DMXL2: variants seen among roughly 807,000 people sequenced by gnomAD.
DMXL2 encodes dmX-like protein 2.
DMXL2 carries 103 observed loss-of-function variants against 331.1 expected under a neutral mutation model. The observed-to-expected ratio is 0.31, with a 90% CI of 0.27 to 0.37. The LOEUF is 0.37. DMXL2 is among the 10% of genes least tolerant of loss of function. The pLI is 1.00. For synonymous variants in DMXL2, 1,281 were observed against 1,252.1 expected (o/e 1.02, Z -0.49); for missense variants, 3,171 against 3,642.9 (o/e 0.87, Z 3.33).
intron 22 of DMXL2, among the ~76,000 whole-genome samples, chr15:51,487,324 G>C (rs35215200): frequency 0.012 from 1,757 of 152,234 alleles, 27 homozygotes; most frequent in East Asian, 0.026. Flanking sequence ...AGAATAAGGA[G>C]GTTGTGACCT....
At chr15:51,520,344 A>G (rs1374082004) in intron 13 of DMXL2, among the ~76,000 whole-genome samples, 1 of 152,238 alleles carries the variant, frequency 6.6e-6, no homozygotes, top group Non-Finnish European at 1.5e-5. Flanking sequence ...TTGGACAGAG[A>G]GAGGACAAAT....
chr15:51,479,107 T>C (rs569466630), intron 25 of DMXL2, among the ~76,000 whole-genome samples: 8 of 152,308 alleles, frequency 5.3e-5, no homozygotes, highest in African/African-American at 1.9e-4. Context: ...TTATGCCTTT[T>C]CTGCGTGTCC....
At chr15:51,451,725 A>T (rs759753606) in intron 41 of DMXL2, 28 bp from the exon 42 acceptor site, 1 of 1,577,204 alleles carries the variant, frequency 6.3e-7, no homozygotes, top group Non-Finnish European at 8.7e-7. Context: ...TAACAAAAAT[A>T]CATCATAAAT....
At chr15:51,502,126 G>T (rs571205433) in intron 17 of DMXL2, among the ~76,000 whole-genome samples, 5 of 150,998 alleles carry the variant, frequency 3.3e-5, no homozygotes, top group Admixed American at 2.6e-4. Flanking sequence ...CAACTATTCA[G>T]GAGGCTGAGG....
chr15:51,463,492 G>A lies in DMXL2; in HGVS notation c.7813C>T (p.Arg2605Trp), dbSNP rs146266274. 23 of 1,563,082 alleles carry A rather than the reference G, an allele frequency of 1.5e-5. No homozygotes were observed. The highest frequency in any genetic ancestry group is 4.6e-5 in the East Asian group (2 of 43,558). Residue 2605 changes from arginine (R) to tryptophan (W), a missense_variant, in exon 33 of 44, where the codon CGG (arginine) becomes TGG (tryptophan). Physicochemically the swap from Arg to Trp is moderately radical, Grantham distance 101. Around this residue, in one of 7 missense-constraint regions of DMXL2, gnomAD observed 766 missense variants for 940.5 expected, o/e 0.81. Coordinates refer to ENST00000560891, the MANE Select transcript of DMXL2 (RefSeq NM_001378457.1). ...TTGACTGGAAATGCAGAAGAATCCC[G>A]GGACCTATTAAAAAAAATTAACATA... ...LEPENTPFKS[R>W]DSSAFPVKRL...
At chr15:51,496,438 C>A (rs118090366) in intron 18 of DMXL2, among the ~76,000 whole-genome samples, 1 of 152,170 alleles carries the variant, frequency 6.6e-6, no homozygotes, top group African/African-American at 2.4e-5. Context: ...AGTAAAGGAA[C>A]AAGCCATGCA....
intron 19 of DMXL2, 116 bp from the exon 20 acceptor site, chr15:51,491,863 A>G (rs2042825565): frequency 2.4e-6 from 2 of 843,914 alleles, no homozygotes; most frequent in Middle Eastern, 2.9e-4. Flanking sequence ...GCAGAAAGAA[A>G]GAATGAAAGG....
intron 1 of DMXL2, among the ~76,000 whole-genome samples, chr15:51,598,971 T>C (rs773529462): frequency 6.6e-6 from 1 of 152,262 alleles, no homozygotes; most frequent in East Asian, 1.9e-4. Context: ...AATTTTCTAA[T>C]TCCATCGTTG....
chr15:51,576,806 A>G, intron 1 of DMXL2, among the ~76,000 whole-genome samples: 1 of 152,218 alleles, frequency 6.6e-6, no homozygotes. Context: ...AAAGGAAACC[A>G]ACCCAAAGTT....
At chr15:51,562,320 A>C (rs766112258) in intron 6 of DMXL2, among the ~76,000 whole-genome samples, 3 of 152,152 alleles carry the variant, frequency 2.0e-5, no homozygotes, top group Non-Finnish European at 4.4e-5. Context: ...ATCAAGCATA[A>C]GAAAAAAATC....
Position 51,537,667 on chromosome 15 carries a change from G to A in DMXL2, c.1438C>T (p.Leu480Phe), listed in dbSNP as rs933346723. The change falls in exon 11 of 44, where the codon CTT (leucine) becomes TTT (phenylalanine). Residue 480 changes from leucine to phenylalanine, a missense_variant. Leu to Phe is a conservative substitution (Grantham distance 22, BLOSUM62 0). Around this residue, in one of 7 missense-constraint regions of DMXL2, gnomAD observed 1,674 missense variants for 1,780.2 expected, o/e 0.94. Transcript: ENST00000560891. ...GTAGGCAGTGGCATTGGTACACTAA[G>A]TCGTGAGTAAGTTCTAGGACTTCCT... Reference protein sequence around the residue: ...REGSPRTYSRLSVPMPLPTVL... With the variant: ...REGSPRTYSRFSVPMPLPTVL... 2.5e-6 allele frequency: 4 copies of A among 1,613,746 alleles called. No individual in the cohort carries two copies. The highest frequency in any genetic ancestry group is 1.3e-5 in the African/African-American group (1 of 74,882).
At chr15:51,457,550 T>A in intron 36 of DMXL2, 84 bp from the exon 37 acceptor site, 1 of 1,450,170 alleles carries the variant, frequency 6.9e-7, no homozygotes, top group Non-Finnish European at 9.3e-7. Context: ...TATGTACCCA[T>A]AGGACAATCT....
intron 1 of DMXL2, among the ~76,000 whole-genome samples, chr15:51,582,226 T>C (rs888967632): frequency 6.6e-6 from 1 of 152,140 alleles, no homozygotes; most frequent in Admixed American, 6.5e-5. Context: ...TTAATATTTT[T>C]GAAAAAGGAA....
intron 1 of DMXL2, among the ~76,000 whole-genome samples, chr15:51,594,150 C>T (rs1277968635): frequency 6.6e-6 from 1 of 151,990 alleles, no homozygotes; most frequent in South Asian, 2.1e-4. Context: ...AAAAGATCAA[C>T]AAAATTGATA....
At chr15:51,605,271 G>A (rs2053500110) in intron 1 of DMXL2, among the ~76,000 whole-genome samples, 1 of 152,102 alleles carries the variant, frequency 6.6e-6, no homozygotes, top group African/African-American at 2.4e-5. Context: ...CATCATCTCA[G>A]CTCACTGCCA....
Position 51,562,094 on chromosome 15 carries a change from C to T in DMXL2, c.567+1287G>A, listed in dbSNP as rs141752937. On this transcript the variant is annotated intron_variant, in intron 6 of 43. Coordinates refer to ENST00000560891, the MANE Select transcript of DMXL2 (RefSeq NM_001378457.1). ...CAATGGTTAACAATAATATATTGTA[C>T]ATTTCAATTAACTAGAAGATTTGAA... is the stretch of plus-strand genomic sequence containing the variant. 4.4e-3 allele frequency among the ~76,000 whole-genome samples: 674 copies of T among 152,224 alleles called. 8 individuals carry two copies. The highest frequency in any genetic ancestry group is 0.026 in the East Asian group (133 of 5,190).
At chr15:51,467,381 C>T (rs562769311) in intron 29 of DMXL2, among the ~76,000 whole-genome samples, 1 of 151,850 alleles carries the variant, frequency 6.6e-6, no homozygotes, top group Non-Finnish European at 1.5e-5. Flanking sequence ...CTAGAAAAAG[C>T]TTAACAAGAT....
Position 51,488,011 on chromosome 15 carries a change from G to A in DMXL2, c.5160C>T (p.Arg1720=). ...AGAAAAAAGCAGCCGATTGTTCAAA[G>A]CGTTGTTTTCCAAGTAAGGAAAAAG... The part of the protein sequence containing the change: ...KNAFSLLGKQ[R]FEQSAAFFLL... The change falls in exon 22 of 44, where the codon CGC becomes CGT. Residue 1720 remains arginine, a synonymous_variant. Coordinates refer to ENST00000560891, the MANE Select transcript of DMXL2 (RefSeq NM_001378457.1). 1 of 1,613,442 alleles carries A rather than the reference G, an allele frequency of 6.2e-7. No individual in the cohort carries two copies. The highest frequency in any genetic ancestry group is 8.5e-7 in the Non-Finnish European group (1 of 1,179,740).
intron 19 of DMXL2, among the ~76,000 whole-genome samples, chr15:51,494,036 T>G (rs1316147810): frequency 1.3e-5 from 2 of 152,210 alleles, no homozygotes; most frequent in Non-Finnish European, 2.9e-5. Flanking sequence ...ACTGAAGAAT[T>G]TTCATGCCTT....
Sources: gnomAD v4.1 joint callset for allele counts (sites outside exome capture counted in the v4.1 genomes callset) on GRCh38, gnomAD v4.1.1 for gene constraint, gnomAD v4.1.1 regional missense constraint, MANE v1.5 for transcripts, NCBI Gene and HGNC (gene_info 2026-07-23, HGNC 2026-07-21) for gene names.